Variants in SPRED1 observed in about 807,000 individuals in gnomAD.
SPRED1 encodes sprouty-related, EVH1 domain-containing protein 1.
In SPRED1, 18 loss-of-function variants were observed where a neutral mutation model predicts 52.3. The observed-to-expected ratio is 0.34, with a 90% CI of 0.24 to 0.51. The LOEUF is 0.51. Ranked by LOEUF, SPRED1 falls within the 20% of genes least tolerant of loss-of-function variation. The pLI, the probability that SPRED1 is intolerant of heterozygous loss-of-function variation, is 0.97. For missense variants in SPRED1, 485 were observed against 551.0 expected, an observed-to-expected ratio of 0.88 and a Z score of 1.20; for synonymous variants, 155 against 179.7, an observed-to-expected ratio of 0.86 and a Z score of 1.10.
chr15:38,317,120 C>A lies in SPRED1; in HGVS notation c.208-5121C>A, dbSNP rs181606780. ...ATTTTATGAATGTCCTTCATTAATA[C>A]GATGGGGACCTGATGAAATTCACAC... On this transcript the variant is annotated intron_variant, in intron 2 of 6. Coordinates refer to ENST00000299084, the MANE Select transcript of SPRED1 (RefSeq NM_152594.3). 2.0e-5 allele frequency among the ~76,000 whole-genome samples: 3 copies of A among 151,918 alleles called. No individual in the cohort carries two copies. The East Asian group carries it at 5.8e-4, about 29-fold the overall frequency.
At chr15:38,340,326 C>G in intron 5 of SPRED1, among the ~76,000 whole-genome samples, 1 of 151,962 alleles carries the variant, frequency 6.6e-6, no homozygotes, top group Non-Finnish European at 1.5e-5. Context: ...TTCCCTTATT[C>G]TGTTTGTTAA....
At chr15:38,264,272 T>C (rs1346770004) in intron 1 of SPRED1, among the ~76,000 whole-genome samples, 3 of 152,238 alleles carry the variant, frequency 2.0e-5, no homozygotes, top group African/African-American at 4.8e-5. Flanking sequence ...AGAACTGAGA[T>C]TCAAACTGCA....
chr15:38,318,768 T>C (rs1430808442), intron 2 of SPRED1, among the ~76,000 whole-genome samples: 1 of 152,218 alleles, frequency 6.6e-6, no homozygotes, highest in Non-Finnish European at 1.5e-5. Flanking sequence ...CATGATTTCA[T>C]TCTTCTGTAT....
intron 5 of SPRED1, among the ~76,000 whole-genome samples, chr15:38,345,816 C>A (rs1165800671): frequency 6.6e-6 from 1 of 152,136 alleles, no homozygotes; most frequent in Non-Finnish European, 1.5e-5. Context: ...ACTAAACAAG[C>A]CTGTCTCCAA....
At chr15:38,321,462 A>G (rs371899156) in intron 2 of SPRED1, among the ~76,000 whole-genome samples, 6 of 152,302 alleles carry the variant, frequency 3.9e-5, no homozygotes, top group African/African-American at 1.2e-4. Context: ...TAAGGCTTCA[A>G]AAGTTAGGTA....
intron 1 of SPRED1, among the ~76,000 whole-genome samples, chr15:38,257,137 TTC>T (rs1439348035): frequency 1.3e-5 from 2 of 152,318 alleles, no homozygotes; most frequent in Non-Finnish European, 2.9e-5. Context: ...CCAAAAGACC[TTC>T]TCTCTTCCCC....
intron 4 of SPRED1, among the ~76,000 whole-genome samples, chr15:38,337,121 T>C (rs1269724656): frequency 6.6e-6 from 1 of 152,210 alleles, no homozygotes; most frequent in African/African-American, 2.4e-5. Context: ...TTAAAATTGC[T>C]TTCCAGAAAG....
intron 1 of SPRED1, among the ~76,000 whole-genome samples, chr15:38,290,802 G>A (rs1186785066): frequency 2.0e-5 from 3 of 152,066 alleles, no homozygotes; most frequent in Non-Finnish European, 4.4e-5. Flanking sequence ...CTCCCCCTGG[G>A]TCCCTCCTAC....
chr15:38,260,912 A>G (rs1484469466), intron 1 of SPRED1, among the ~76,000 whole-genome samples: 1 of 152,196 alleles, frequency 6.6e-6, no homozygotes, highest in East Asian at 1.9e-4. Context: ...ACTCCAACAT[A>G]CAGCTAACAG....
chr15:38,291,444 C>T (rs1055144693), intron 1 of SPRED1, among the ~76,000 whole-genome samples: 2 of 152,238 alleles, frequency 1.3e-5, no homozygotes, highest in East Asian at 1.9e-4. Flanking sequence ...CTAGGCAGTG[C>T]CCCAGTAGGG....
chr15:38,273,521 A>T (rs1261465907), intron 1 of SPRED1, among the ~76,000 whole-genome samples: 1 of 52 alleles, frequency 0.019, no homozygotes, highest in Admixed American at 0.25. Flanking sequence ...TGTATTATTA[A>T]TATATATATA....
chr15:38,316,425 A>G (rs1895481313), intron 2 of SPRED1, among the ~76,000 whole-genome samples: 1 of 152,056 alleles, frequency 6.6e-6, no homozygotes, highest in African/African-American at 2.4e-5. Context: ...TCTTCTTAAA[A>G]TATCTGTGGT....
chr15:38,322,938 C>T (rs1381736535), intron 3 of SPRED1, among the ~76,000 whole-genome samples: 1 of 152,068 alleles, frequency 6.6e-6, no homozygotes, highest in African/African-American at 2.4e-5. Context: ...ATTATTAACT[C>T]AAAAGCATAC....
At chr15:38,341,863 T>C (rs865794456) in intron 5 of SPRED1, among the ~76,000 whole-genome samples, 2 of 152,220 alleles carry the variant, frequency 1.3e-5, no homozygotes, top group South Asian at 4.1e-4. Context: ...TTTGTCATTA[T>C]GAGATATCCT....
intron 4 of SPRED1, among the ~76,000 whole-genome samples, chr15:38,338,330 G>A (rs576559989): frequency 1.6e-5 from 2 of 124,240 alleles, no homozygotes; most frequent in African/African-American, 5.7e-5. Context: ...ATTCTATTCA[G>A]TTTGCTTATG....
At chr15:38,324,210 T>G (rs186827997) in intron 3 of SPRED1, among the ~76,000 whole-genome samples, 11 of 152,292 alleles carry the variant, frequency 7.2e-5, no homozygotes, top group Admixed American at 6.5e-4. Flanking sequence ...CCTTTCTTAT[T>G]AATTTATTGA....
At chr15:38,343,548 G>A (rs547163395) in intron 5 of SPRED1, among the ~76,000 whole-genome samples, 34 of 152,174 alleles carry the variant, frequency 2.2e-4, no homozygotes, top group African/African-American at 8.2e-4. Context: ...GATTAATTCG[G>A]CATTGTGGGC....
intron 6 of SPRED1, among the ~76,000 whole-genome samples, chr15:38,350,662 G>A (rs1201643328): frequency 6.6e-6 from 1 of 152,142 alleles, no homozygotes; most frequent in African/African-American, 2.4e-5. Flanking sequence ...AGTGGCTCAT[G>A]CAATAGTAGA....
Position 38,256,355 on chromosome 15 carries a change from A to G in SPRED1, c.32+3138A>G, listed in dbSNP as rs1413810227. ...ATATAACTGTACCATATTTTACATTATTGAATTAGCCTTCTAAATAGAGTT... is the reference window on the plus strand; with the variant it reads ...ATATAACTGTACCATATTTTACATTGTTGAATTAGCCTTCTAAATAGAGTT... On this transcript the variant is annotated intron_variant, in intron 1 of 6. Transcript: ENST00000299084. 5.3e-5 allele frequency among the ~76,000 whole-genome samples: 8 copies of G among 152,254 alleles called. No homozygotes were observed. The East Asian group carries it at 1.5e-3, about 29-fold the overall frequency.
Sources: allele counts gnomAD v4.1 joint callset (sites outside exome capture counted in the v4.1 genomes callset), GRCh38; gene constraint gnomAD v4.1.1; transcripts MANE v1.5; gene names NCBI Gene and HGNC (gene_info 2026-07-23, HGNC 2026-07-21).